FHOD3: variants seen among roughly 807,000 people sequenced by gnomAD.
FHOD3 encodes the protein formin homology 2 domain containing 3.
In FHOD3, 90 loss-of-function variants were observed where a neutral mutation model predicts 173.0. That is an observed-to-expected ratio of 0.52 (90% CI 0.44 to 0.62). FHOD3 has a LOEUF of 0.62. FHOD3 is among the 20% of genes least tolerant of loss of function. FHOD3 has a pLI of 0.00. For missense variants in FHOD3, 1,945 were observed against 2,034.7 expected (o/e 0.96, Z 0.85); for synonymous variants, 828 against 823.0 (o/e 1.01, Z -0.10).
At chr18:36,328,344 G>T (rs1248209648) in intron 1 of FHOD3, among the ~76,000 whole-genome samples, 1 of 152,178 alleles carries the variant, frequency 6.6e-6, no homozygotes, top group Non-Finnish European at 1.5e-5. Context: ...ACATGGCTCT[G>T]GGTGAGGAGC....
At chr18:36,467,285 A>G (rs199732580) in intron 3 of FHOD3, among the ~76,000 whole-genome samples, 2 of 152,134 alleles carry the variant, frequency 1.3e-5, no homozygotes, top group African/African-American at 4.8e-5. Flanking sequence ...CAGCCCCTCC[A>G]TGGCATAATT....
At chr18:36,298,118 G>C in intron 1 of FHOD3, 118 bp downstream of exon 1, 2 of 955,058 alleles carry the variant, frequency 2.1e-6, no homozygotes, top group South Asian at 2.3e-5. Context: ...GGCCCGGGGG[G>C]ACCATCGCTC....
intron 27 of FHOD3, among the ~76,000 whole-genome samples, chr18:36,766,849 G>A (rs2043160195): frequency 6.6e-6 from 1 of 152,206 alleles, no homozygotes; most frequent in Admixed American, 6.5e-5. Context: ...CTCTGCAAAT[G>A]TATTATGAGC....
intron 3 of FHOD3, among the ~76,000 whole-genome samples, chr18:36,409,143 C>G (rs2146845986): frequency 6.6e-6 from 1 of 152,286 alleles, no homozygotes; most frequent in South Asian, 2.1e-4. Flanking sequence ...CCAGAACCAC[C>G]ATCCTCTGCT....
intron 1 of FHOD3, among the ~76,000 whole-genome samples, chr18:36,347,330 A>G (rs1436139690): frequency 6.6e-6 from 1 of 152,256 alleles, no homozygotes; most frequent in Admixed American, 6.5e-5. Context: ...TTACCTATTT[A>G]CCAGACTATC....
chr18:36,674,168 A>G (rs1345332017), intron 14 of FHOD3, among the ~76,000 whole-genome samples: 1 of 152,194 alleles, frequency 6.6e-6, no homozygotes, highest in African/African-American at 2.4e-5. Context: ...AATCTGAACA[A>G]TGAGCCCTGA....
chr18:36,507,544 CTG>C (rs1247256827), intron 4 of FHOD3, among the ~76,000 whole-genome samples: 1 of 152,184 alleles, frequency 6.6e-6, no homozygotes, highest in East Asian at 1.9e-4. Context: ...TGTGAGCTCA[CTG>C]GGGTTCATCG....
intron 5 of FHOD3, among the ~76,000 whole-genome samples, chr18:36,543,584 C>T (rs2057306235): frequency 6.6e-6 from 1 of 152,152 alleles, no homozygotes; most frequent in African/African-American, 2.4e-5. Context: ...CTTGAAGTTT[C>T]CTGATGCTAA....
chr18:36,640,831 C>T (rs987713584), intron 10 of FHOD3, among the ~76,000 whole-genome samples: 2 of 152,052 alleles, frequency 1.3e-5, no homozygotes, highest in Non-Finnish European at 1.5e-5. Context: ...TTGCCAAGCA[C>T]GGTTCAGGAA....
chr18:36,637,880 A>G (rs148065598), intron 10 of FHOD3, among the ~76,000 whole-genome samples: 41 of 152,324 alleles, frequency 2.7e-4, no homozygotes, highest in African/African-American at 9.6e-4. Context: ...CTACTTTTGG[A>G]TGATTTATGT....
rs140717856 is a variant in FHOD3 at position 36,536,792 on chromosome 18, C to T, written c.511+24249C>T. On this transcript the variant is annotated intron_variant, in intron 5 of 28. Coordinates refer to ENST00000590592, the MANE Select transcript of FHOD3 (RefSeq NM_001281740.3). ...AGTGGCTGCATCATACCCAGCCAGT[C>T]GGGACACACTAATTCTGCTAGCATT... Among the ~76,000 whole-genome samples, 41 of 152,284 alleles carry T rather than the reference C, an allele frequency of 2.7e-4. No homozygotes were observed. The East Asian group carries it at 6.0e-3, about 22-fold the overall frequency.
intron 24 of FHOD3, among the ~76,000 whole-genome samples, chr18:36,754,362 C>T (rs2042536168): frequency 6.6e-6 from 1 of 152,156 alleles, no homozygotes; most frequent in Non-Finnish European, 1.5e-5. Flanking sequence ...TTCCCTCTGT[C>T]TCCCACTGTG....
intron 17 of FHOD3, among the ~76,000 whole-genome samples, chr18:36,703,882 C>A (rs1406413769): frequency 6.6e-6 from 1 of 152,130 alleles, no homozygotes; most frequent in Admixed American, 6.5e-5. Context: ...CTTAGTTTCT[C>A]CCCCCTTCCA....
intron 10 of FHOD3, among the ~76,000 whole-genome samples, chr18:36,639,641 C>T (rs1477726164): frequency 2.2e-5 from 3 of 137,774 alleles, no homozygotes; most frequent in Non-Finnish European, 4.6e-5. Flanking sequence ...CCAGCCTGGG[C>T]GACAGAGCGA....
At chr18:36,408,513 T>C (rs886628679) in intron 3 of FHOD3, among the ~76,000 whole-genome samples, 1 of 152,104 alleles carries the variant, frequency 6.6e-6, no homozygotes, top group Admixed American at 6.5e-5. Flanking sequence ...AAGGGCTGTC[T>C]CATGGCACTG....
intron 14 of FHOD3, among the ~76,000 whole-genome samples, chr18:36,675,993 A>G (rs529123958): frequency 6.6e-6 from 1 of 152,312 alleles, no homozygotes; most frequent in African/African-American, 2.4e-5. Flanking sequence ...TTAATTATCC[A>G]CCTAAGAAGG....
intron 4 of FHOD3, among the ~76,000 whole-genome samples, chr18:36,509,937 C>T (rs1242512227): frequency 1.3e-5 from 2 of 152,206 alleles, no homozygotes; most frequent in Non-Finnish European, 2.9e-5. Flanking sequence ...AGACCACACA[C>T]ATGTGCGCAA....
chr18:36,709,427 A>G, intron 18 of FHOD3, 36 bp downstream of exon 18: 1 of 1,587,864 alleles, frequency 6.3e-7, no homozygotes, highest in South Asian at 1.2e-5. Context: ...GGCATGTGCC[A>G]GGGAGGCCTG....
chr18:36,520,627 T>C (rs1185663054), intron 5 of FHOD3, among the ~76,000 whole-genome samples: 1 of 152,240 alleles, frequency 6.6e-6, no homozygotes, highest in South Asian at 2.1e-4. Context: ...AAAAAAGCCC[T>C]GGCAATGTCC....
Sources: allele counts gnomAD v4.1 joint callset (sites outside exome capture counted in the v4.1 genomes callset), GRCh38; gene constraint gnomAD v4.1.1; transcripts MANE v1.5; gene names NCBI Gene and HGNC (gene_info 2026-07-23, HGNC 2026-07-21).